The following ZNF716 variants were observed in gnomAD, a reference collection of about 807,000 sequenced individuals.
ZNF716 encodes zinc finger protein 716.
Under a neutral mutation model 13.4 loss-of-function variants are expected in ZNF716, and 9 were observed. The ratio of observed to expected loss-of-function variants is 0.67; its 90% CI spans 0.41 to 1.18. The LOEUF (loss-of-function observed/expected upper bound fraction) is 1.18, where lower values mean the gene tolerates loss of function less well. Among genes scored for constraint, ZNF716 ranks in the 50% most tolerant of loss-of-function variants. ZNF716 has a pLI of 0.01. For synonymous variants in ZNF716, 186 were observed against 195.2 expected, an observed-to-expected ratio of 0.95 and a Z score of 0.39; for missense variants, 581 against 576.6, an observed-to-expected ratio of 1.01 and a Z score of -0.08.
In ZNF716 at chr7:57,469,985, T is replaced by C. The variant is rs1554325023; in HGVS notation, c.*36T>C. ...TCCAGCCCTCAGGCCTTATAATACA[T>C]AAAATAATTTATACTGGAAAAAATC... On this transcript the variant is annotated 3_prime_UTR_variant, in exon 4 of 4. Transcript: ENST00000420713. 6.8e-7 allele frequency: 1 copy of C among 1,474,444 alleles called. No individual in the cohort carries two copies. The highest frequency in any genetic ancestry group is 9.0e-7 in the Non-Finnish European group (1 of 1,113,694). The allele number at this position is 1,474,444 out of a possible 1,614,324, so 91.3% of individuals were successfully genotyped here.
intron 1 of ZNF716, 68 bp from the exon 2 acceptor site, chr7:57,462,392 T>A: frequency 1.3e-6 from 2 of 1,555,640 alleles, no homozygotes; most frequent in Admixed American, 3.8e-5. Flanking sequence ...AATCTCTGCC[T>A]ATGGCAACAT....
chr7:57,455,025 CAA>C (rs56899423), intron 1 of ZNF716, among the ~76,000 whole-genome samples: 5 of 131,322 alleles, frequency 3.8e-5, no homozygotes, highest in African/African-American at 1.1e-4. Flanking sequence ...GACTCCCTCT[CAA>C]AAAAAAAAAA....
chr7:57,464,710 GT>G, intron 3 of ZNF716, among the ~76,000 whole-genome samples: 1 of 128,336 alleles, frequency 7.8e-6, no homozygotes, highest in Middle Eastern at 4.1e-3. Context: ...TAAGAGTTTC[GT>G]TACTTTTTTT....
Position 57,468,762 on chromosome 7 carries a change from C to T in ZNF716, c.301C>T (p.Gln101Ter). 1 of 1,612,844 alleles carries T rather than the reference C, an allele frequency of 6.2e-7. No homozygotes were observed. The highest frequency in any genetic ancestry group is 1.3e-5 in the African/African-American group (1 of 74,924). ...TTTCACCCAAGACCTTCAGTCAGAG[C>T]AGGGCATAAAAGATTCACTCCAAAA... is the stretch of plus-strand genomic sequence containing the variant. ...SHFTQDLQSE[Q>*]GIKDSLQKVI... The change falls in exon 4 of 4, where the codon CAG becomes TAG. Residue 101 changes from glutamine to a stop codon, truncating the protein, a stop_gained. Coordinates refer to ENST00000420713, the MANE Select transcript of ZNF716 (RefSeq NM_001159279.1). LOFTEE classifies it low-confidence loss of function (END_TRUNC).
At chr7:57,452,406 G>A (rs1554321687) in intron 1 of ZNF716, among the ~76,000 whole-genome samples, 2 of 151,864 alleles carry the variant, frequency 1.3e-5, no homozygotes, top group South Asian at 2.1e-4. Context: ...AGACTGAGGC[G>A]AGCAAATCAC....
chr7:57,468,076 G>A (rs1340875509), intron 3 of ZNF716, among the ~76,000 whole-genome samples: 2 of 151,980 alleles, frequency 1.3e-5, no homozygotes, highest in Non-Finnish European at 2.9e-5. Context: ...GATTGTCTTG[G>A]CTAGAGATTC....
chr7:57,463,496 ACT>A (rs1305954723), intron 3 of ZNF716, among the ~76,000 whole-genome samples: 12 of 152,216 alleles, frequency 7.9e-5, no homozygotes, highest in African/African-American at 2.2e-4. Context: ...TTTTTGAGAA[ACT>A]CTATGTGAAA....
intron 3 of ZNF716, among the ~76,000 whole-genome samples, chr7:57,463,858 TA>T (rs1252570696): frequency 6.6e-6 from 1 of 152,100 alleles, no homozygotes; most frequent in African/African-American, 2.4e-5. Context: ...TGATATTTTT[TA>T]TGATGGCTGC....
In ZNF716 at chr7:57,469,129, A is replaced by G. The variant is rs1426079363; in HGVS notation, c.668A>G (p.Asn223Ser). ...TGTGAAGAATGTGGCAAATCCTTTAACTGCTCTTCAACCCTTACTAGACAT... is the reference window on the plus strand; with the variant it reads ...TGTGAAGAATGTGGCAAATCCTTTAGCTGCTCTTCAACCCTTACTAGACAT... ...YKCEECGKSF[N>S]CSSTLTRHKR... is the part of the protein sequence containing the mutation. Residue 223 changes from asparagine (N) to serine (S), a missense_variant, in exon 4 of 4, where the codon AAC (asparagine) becomes AGC (serine). Transcript: ENST00000420713. 1 of 1,609,390 alleles carries G rather than the reference A, an allele frequency of 6.2e-7. No individual in the cohort carries two copies. The highest frequency in any genetic ancestry group is 8.5e-7 in the Non-Finnish European group (1 of 1,177,656).
intron 1 of ZNF716, among the ~76,000 whole-genome samples, chr7:57,455,172 G>C (rs13239840): frequency 6.6e-6 from 1 of 152,178 alleles, no homozygotes; most frequent in Non-Finnish European, 1.5e-5. Flanking sequence ...AGAATGGTAT[G>C]ATAGAAGGGG....
In ZNF716 at chr7:57,469,636, C is replaced by T. The variant is rs782348170; in HGVS notation, c.1175C>T (p.Pro392Leu). 1.1e-5 allele frequency: 18 copies of T among 1,605,462 alleles called. No homozygotes were observed. The South Asian group carries it at 1.9e-4, about 17-fold the overall frequency. ...CEECGKAFSL[P>L]STFTYHKRTH... ...GAATGTGGCAAAGCCTTTAGCTTAC[C>T]CTCAACCTTCACTTACCACAAGAGA... The change falls in exon 4 of 4, where the codon CCC becomes CTC. Residue 392 changes from proline to leucine, a missense_variant. Pro to Leu is a moderately conservative substitution (Grantham distance 98). Coordinates refer to ENST00000420713, the MANE Select transcript of ZNF716 (RefSeq NM_001159279.1).
intron 1 of ZNF716, 39 bp from the exon 2 acceptor site, chr7:57,462,421 C>A: frequency 6.3e-7 from 1 of 1,598,926 alleles, no homozygotes; most frequent in South Asian, 1.1e-5. Context: ...TTTGTGTGTT[C>A]ATGAGTGTTT....
chr7:57,471,842 G>A lies in ZNF716; in HGVS notation c.*1893G>A, dbSNP rs1296432375. The stretch of plus-strand genomic sequence containing the variant: ...ACTTCAGACATTACACTAAATCAGA[G>A]TGTTGAGTGTAAAAAAGATATAAAT... On this transcript the variant is annotated 3_prime_UTR_variant, in exon 4 of 4. Transcript: ENST00000420713. The A allele has an allele frequency of 1.3e-5, 2 of 152,060 alleles. No individual in the cohort carries two copies. The highest frequency in any genetic ancestry group is 1.3e-4 in the Admixed American group (2 of 15,264). 9.4% of individuals were successfully genotyped at this position (152,060 alleles called of 1,614,324 possible). A position where few individuals can be genotyped will look rare whatever the true frequency, so the allele number is the denominator to read the frequency against.
Position 57,470,727 on chromosome 7 carries a change from A to T in ZNF716, c.*778A>T, listed in dbSNP as rs1161336158. The T allele has an allele frequency of 1.3e-5, 2 of 152,104 alleles. No homozygotes were observed. The highest frequency in any genetic ancestry group is 2.4e-5 in the African/African-American group (1 of 41,438). 9.4% of individuals were successfully genotyped at this position (152,104 alleles called of 1,614,324 possible). On this transcript the variant is annotated 3_prime_UTR_variant, in exon 4 of 4. Transcript: ENST00000420713. ...GAACCCCTGCAATTGTAAAAAAAAA[A>T]AAAAATGTGGCAAAGCTTTTAACTG...
chr7:57,465,167 TTAAGA>T (rs1789782275), intron 3 of ZNF716, among the ~76,000 whole-genome samples: 1 of 152,188 alleles, frequency 6.6e-6, no homozygotes, highest in Non-Finnish European at 1.5e-5. Context: ...CCTTAGCAAA[TTAAGA>T]TATCAATTAA....
intron 1 of ZNF716, among the ~76,000 whole-genome samples, chr7:57,457,116 A>G (rs894574251): frequency 3.9e-5 from 6 of 152,102 alleles, no homozygotes; most frequent in African/African-American, 1.4e-4. Flanking sequence ...CCAAAATCCC[A>G]CCAAAGTGCC....
intron 1 of ZNF716, among the ~76,000 whole-genome samples, chr7:57,450,857 C>T (rs1789474606): frequency 6.6e-6 from 1 of 151,976 alleles, no homozygotes; most frequent in African/African-American, 2.4e-5. Context: ...TTATAAGTTT[C>T]ATGATGAAGC....
chr7:57,452,579 A>G (rs1255896802), intron 1 of ZNF716, among the ~76,000 whole-genome samples: 1 of 152,132 alleles, frequency 6.6e-6, no homozygotes, highest in African/African-American at 2.4e-5. Context: ...CGGAGGTTGC[A>G]GTGAGCCAAG....
chr7:57,464,091 G>A (rs1340336554), intron 3 of ZNF716, among the ~76,000 whole-genome samples: 1 of 147,704 alleles, frequency 6.8e-6, no homozygotes, highest in East Asian at 2.1e-4. Context: ...TAAATTAAAA[G>A]GTAGTTCAAT....
Sources: gnomAD v4.1 joint callset for allele counts (sites outside exome capture counted in the v4.1 genomes callset) on GRCh38, gnomAD v4.1.1 for gene constraint, MANE v1.5 for transcripts, NCBI Gene and HGNC (gene_info 2026-07-23, HGNC 2026-07-21) for gene names.